Variants in GABRR2 observed in about 807,000 individuals in gnomAD.
The protein encoded by GABRR2 is gamma-aminobutyric acid receptor subunit rho-2.
GABRR2 carries 36 observed loss-of-function variants against 47.0 expected under a neutral mutation model. That is an observed-to-expected ratio of 0.77 (90% CI 0.59 to 1.01). The LOEUF is 1.01. Ranked by LOEUF, GABRR2 falls within the 50% of genes least tolerant of loss-of-function variation. The probability of loss-of-function intolerance (pLI) is 0.00; values close to 1 mark genes in which losing one functional copy is unlikely to be tolerated. For missense variants in GABRR2, 587 were observed against 594.6 expected, an observed-to-expected ratio of 0.99 and a Z score of 0.13; for synonymous variants, 204 against 227.5, an observed-to-expected ratio of 0.90 and a Z score of 0.93.
At chr6:89,277,878 T>C (rs866438269) in intron 2 of GABRR2, among the ~76,000 whole-genome samples, 1 of 24,484 alleles carries the variant, frequency 4.1e-5, no homozygotes, top group African/African-American at 1.6e-4. Context: ...TGGGGGGGGG[T>C]GGGGGCTGCA....
chr6:89,259,883 C>CT (rs59831214), intron 8 of GABRR2, among the ~76,000 whole-genome samples: 3,920 of 67,492 alleles, frequency 0.058, 98 homozygotes, highest in African/African-American at 0.15. Context: ...CTCTCTCTCT[C>CT]TTTTTTTTTT....
rs189240348 is a variant in GABRR2 at position 89,257,584 on chromosome 6, G to T, written c.*86C>A. On this transcript the variant is annotated 3_prime_UTR_variant, in exon 9 of 9. Coordinates refer to ENST00000402938, the MANE Select transcript of GABRR2 (RefSeq NM_002043.5). Reference sequence around the variant, plus strand: ...GTAGCTGCTGCATTGTTTGGTGAGGGGCGTGTGGTCAACAAGTCCGTCTGT... The same window carrying T: ...GTAGCTGCTGCATTGTTTGGTGAGGTGCGTGTGGTCAACAAGTCCGTCTGT... 31 of 1,056,468 alleles carry T rather than the reference G, an allele frequency of 2.9e-5. No individual in the cohort carries two copies. The South Asian group carries it at 3.0e-4, about 10-fold the overall frequency. 65.4% of individuals were successfully genotyped at this position (1,056,468 alleles called of 1,614,324 possible).
chr6:89,295,743 G>C (rs978949939), intron 2 of GABRR2, among the ~76,000 whole-genome samples: 12 of 151,826 alleles, frequency 7.9e-5, no homozygotes, highest in African/African-American at 2.9e-4. Context: ...TTTTCTTCTA[G>C]GGTTTTTATG....
chr6:89,301,823 A>G lies in GABRR2; in HGVS notation c.114-1958T>C, dbSNP rs1767445722. On this transcript the variant is annotated intron_variant, in intron 1 of 8. Coordinates refer to ENST00000402938, the MANE Select transcript of GABRR2 (RefSeq NM_002043.5). Reference sequence around the variant, plus strand: ...CACATTCAGGCCGGCCAGTGCGGCAACTAGATCGGGGCCAAGTTCTGGGAA... The same window carrying G: ...CACATTCAGGCCGGCCAGTGCGGCAGCTAGATCGGGGCCAAGTTCTGGGAA... 11 of 990,898 alleles carry G rather than the reference A, an allele frequency of 1.1e-5. No homozygotes were observed. In the South Asian group the frequency reaches 1.3e-4, roughly 12 times the overall value. 61.4% of individuals were successfully genotyped at this position (990,898 alleles called of 1,614,324 possible). A position where few individuals can be genotyped will look rare whatever the true frequency, so the allele number is the denominator to read the frequency against.
rs1289861996 is a variant in GABRR2, at chr6:89,299,852, T to C, written c.127A>G (p.Lys43Glu). The change falls in exon 2 of 9, where the codon AAG becomes GAG. Residue 43 changes from lysine (K) to glutamate (E), a missense_variant. Physicochemically the swap from Lys to Glu is moderately conservative, Grantham distance 56. Coordinates refer to ENST00000402938, the MANE Select transcript of GABRR2 (RefSeq NM_002043.5). ...CGGATCTTGGTCACATCAAGGTTCT[T>C]CTTATATAAGTGACTGTGAAGACAA... ...EMPKPSHLYK[K>E]NLDVTKIRKG... The C allele has an allele frequency of 5.0e-6, 8 of 1,611,342 alleles. No individual in the cohort carries two copies. The Admixed American group carries it at 1.2e-4, about 23-fold the overall frequency.
chr6:89,312,611 G>T (rs969550749), intron 1 of GABRR2, among the ~76,000 whole-genome samples: 2 of 152,200 alleles, frequency 1.3e-5, no homozygotes, highest in African/African-American at 2.4e-5. Context: ...ATCAGAAGGG[G>T]TCTGGTCATT....
intron 1 of GABRR2, among the ~76,000 whole-genome samples, chr6:89,314,771 C>T (rs1211813725): frequency 6.6e-6 from 1 of 152,170 alleles, no homozygotes; most frequent in Non-Finnish European, 1.5e-5. Flanking sequence ...TGATTTTACC[C>T]ACTACGTCTC....
chr6:89,309,302 T>C (rs117376211), intron 1 of GABRR2, among the ~76,000 whole-genome samples: 2,497 of 152,178 alleles, frequency 0.016, 26 homozygotes, highest in Non-Finnish European at 0.028. Flanking sequence ...TAACTGAGGC[T>C]CAGCAGAAGT....
intron 2 of GABRR2, among the ~76,000 whole-genome samples, chr6:89,287,488 C>T (rs1190411418): frequency 1.3e-5 from 2 of 152,226 alleles, no homozygotes; most frequent in Non-Finnish European, 2.9e-5. Flanking sequence ...AGGAACAGGG[C>T]CCGTGTCTTT....
At chr6:89,269,722 C>G (rs1195442810) in intron 3 of GABRR2, among the ~76,000 whole-genome samples, 1 of 152,208 alleles carries the variant, frequency 6.6e-6, no homozygotes, top group Admixed American at 6.5e-5. Flanking sequence ...CATTGCATCC[C>G]CATTCATCAC....
intron 2 of GABRR2, among the ~76,000 whole-genome samples, chr6:89,287,199 C>A (rs948632244): frequency 1.4e-4 from 22 of 152,162 alleles, no homozygotes; most frequent in Non-Finnish European, 2.1e-4. Flanking sequence ...AGGGAAGAGG[C>A]CACAGAATAA....
intron 2 of GABRR2, among the ~76,000 whole-genome samples, chr6:89,279,497 C>A (rs1338908693): frequency 6.6e-6 from 1 of 151,492 alleles, no homozygotes; most frequent in African/African-American, 2.4e-5. Flanking sequence ...GACTGTGATT[C>A]AAAAAACTTT....
intron 2 of GABRR2, among the ~76,000 whole-genome samples, chr6:89,286,519 T>C (rs748111455): frequency 7.2e-5 from 11 of 152,292 alleles, no homozygotes; most frequent in Middle Eastern, 3.4e-3. Context: ...GTTGTATACC[T>C]TAAATATATA....
At position 89,315,138 on chromosome 6, in the gene GABRR2, A is replaced by C. The variant is rs1376138940; in HGVS notation, c.28T>G (p.Phe10Val). The C allele has an allele frequency of 1.2e-6, 2 of 1,613,952 alleles. No homozygotes were observed. The highest frequency in any genetic ancestry group is 3.3e-5 in the Admixed American group (2 of 60,028). ...ACGAGAACCATCAAGCAAAACAAGA[A>C]CAAAATGAGTCTTGTAAAATAAGGC... is the stretch of plus-strand genomic sequence containing the variant. Reference protein sequence around the residue: MPYFTRLILFLFCLMVLVES... With the variant: MPYFTRLILVLFCLMVLVES... Residue 10 changes from phenylalanine to valine, a missense_variant, in exon 1 of 9, where the codon TTC becomes GTC. Coordinates refer to ENST00000402938, the MANE Select transcript of GABRR2 (RefSeq NM_002043.5).
Position 89,264,418 on chromosome 6 carries a change from C to T in GABRR2, c.1080G>A (p.Arg360=). The change falls in exon 8 of 9, where the codon CGG becomes CGA. Residue 360 remains arginine (R), a synonymous_variant. Transcript: ENST00000402938. ...TVQERKERKL[R]EKFPCMCGML... The stretch of plus-strand genomic sequence containing the variant: ...GCCGAAGAAGCCCTCTCACCTTCTC[C>T]CGCAGCTTCCGTTCCTTGCGCTCCT... 6.2e-7 allele frequency: 1 copy of T among 1,613,366 alleles called. No homozygotes were observed. The highest frequency in any genetic ancestry group is 8.5e-7 in the Non-Finnish European group (1 of 1,179,640).
chr6:89,278,197 AC>A (rs1210112298), intron 2 of GABRR2, among the ~76,000 whole-genome samples: 1 of 152,230 alleles, frequency 6.6e-6, no homozygotes, highest in East Asian at 1.9e-4. Context: ...TCCAAAACAT[AC>A]AAAGCTAAAT....
rs989280684 is a variant in GABRR2 at position 89,273,511 on chromosome 6, A to G, written c.221-1789T>C. On this transcript the variant is annotated intron_variant, in intron 2 of 8. Transcript: ENST00000402938. Reference sequence around the variant, plus strand: ...CGGCCTCCCAAAGTGCTGGGATTAGAGGCATGAGCCACCGCACCGGCCTGC... The same window carrying G: ...CGGCCTCCCAAAGTGCTGGGATTAGGGGCATGAGCCACCGCACCGGCCTGC... 7.2e-5 allele frequency among the ~76,000 whole-genome samples: 11 copies of G among 152,352 alleles called. No homozygotes were observed. In the South Asian group the frequency reaches 1.2e-3, roughly 17 times the overall value.
At chr6:89,268,884 A>G in intron 4 of GABRR2, 127 bp downstream of exon 4, 1 of 746,328 alleles carries the variant, frequency 1.3e-6, no homozygotes, top group Non-Finnish European at 2.3e-6. Context: ...TCTGACTAGC[A>G]TCAGAAGGCT....
At chr6:89,301,781 GT>G in intron 1 of GABRR2, 3 of 776,812 alleles carry the variant, frequency 3.9e-6, no homozygotes, top group Non-Finnish European at 6.8e-6. Context: ...GACACGCCCA[GT>G]ATGAGGGAGA....
Sources: gnomAD v4.1 joint callset for allele counts (sites outside exome capture counted in the v4.1 genomes callset) on GRCh38, gnomAD v4.1.1 for gene constraint, MANE v1.5 for transcripts, NCBI Gene and HGNC (gene_info 2026-07-23, HGNC 2026-07-21) for gene names.